TRAK2: variants seen among roughly 807,000 people sequenced by gnomAD.
The protein encoded by TRAK2 is trafficking kinesin protein 2.
TRAK2 carries 81 observed loss-of-function variants against 104.6 expected under a neutral mutation model. The ratio of observed to expected loss-of-function variants is 0.77; its 90% CI spans 0.65 to 0.93. The LOEUF (loss-of-function observed/expected upper bound fraction) is 0.93. Among genes scored for constraint, TRAK2 ranks in the 40% least tolerant of loss-of-function variants. TRAK2 has a pLI of 0.00. For synonymous variants in TRAK2, 406 were observed against 394.4 expected (o/e 1.03, Z -0.35); for missense variants, 1,002 against 1,089.0 (o/e 0.92, Z 1.12).
In TRAK2 at chr2:201,439,981, G is replaced by A. The variant is rs992483122; in HGVS notation, c.-200+11369C>T. Among the ~76,000 whole-genome samples the A allele has an allele frequency of 6.8e-5, 10 of 148,082 alleles. No homozygotes were observed. The East Asian group carries it at 2.0e-3, about 30-fold the overall frequency. On this transcript the variant is annotated intron_variant, in intron 1 of 15. Coordinates refer to ENST00000332624, the MANE Select transcript of TRAK2 (RefSeq NM_015049.3). The stretch of plus-strand genomic sequence containing the variant: ...GATAGCATTAGGAGATATACCTAAT[G>A]CTAAATGATGAGTTAATGGGTGCAG...
rs1363113834 is a variant in TRAK2, at chr2:201,406,999, TGACTGTGTTTACC to T, written c.286+391_286+403del. ...CTTCGTTATGCTGACATAATTCTTG[TGACTGTGTTTACC>T]AACGATATTAATAAAGATAAAAGTC... On this transcript the variant is annotated intron_variant, in intron 3 of 15. Transcript: ENST00000332624. Among the ~76,000 whole-genome samples, 6 of 152,346 alleles carry T rather than the reference TGACTGTGTTTACC, an allele frequency of 3.9e-5. No homozygotes were observed. In the East Asian group the frequency reaches 1.2e-3, roughly 29 times the overall value.
intron 15 of TRAK2, 132 bp from the exon 16 acceptor site, chr2:201,381,350 T>C: frequency 2.5e-6 from 2 of 789,122 alleles, no homozygotes; most frequent in Non-Finnish European, 3.9e-6. Context: ...CATCCGTAAC[T>C]GTATGCTGTG....
intron 15 of TRAK2, 134 bp from the exon 16 acceptor site, chr2:201,381,352 T>C: frequency 1.3e-6 from 1 of 783,620 alleles, no homozygotes; most frequent in Non-Finnish European, 2.0e-6. Context: ...TCCGTAACTG[T>C]ATGCTGTGGA....
At chr2:201,411,693 A>G in intron 2 of TRAK2, 1 of 781,254 alleles carries the variant, frequency 1.3e-6, no homozygotes, top group South Asian at 1.3e-5. Flanking sequence ...TAAAATACCC[A>G]TGAGGACTGC....
At chr2:201,411,644 G>C in intron 2 of TRAK2, 2 of 801,598 alleles carry the variant, frequency 2.5e-6, no homozygotes, top group Non-Finnish European at 4.5e-6. Context: ...GCTCTTTGGT[G>C]ATTCCCAACT....
At chr2:201,436,249 A>G (rs1324410725) in intron 1 of TRAK2, among the ~76,000 whole-genome samples, 2 of 152,086 alleles carry the variant, frequency 1.3e-5, no homozygotes, top group African/African-American at 4.8e-5. Context: ...AAAATGGGGG[A>G]ATACATCTCA....
At position 201,411,939 on chromosome 2, in the gene TRAK2, T is replaced by G. The variant is rs150099298; in HGVS notation, c.92-4342A>C. On this transcript the variant is annotated intron_variant, in intron 2 of 15. Coordinates refer to ENST00000332624, the MANE Select transcript of TRAK2 (RefSeq NM_015049.3). Reference sequence around the variant, plus strand: ...TTTAGACAGAGCTCCTGGTATTGAATGGAAGGAGCTTCTAGTGCTCTGTAA... The same window carrying G: ...TTTAGACAGAGCTCCTGGTATTGAAGGGAAGGAGCTTCTAGTGCTCTGTAA... 15 of 994,758 alleles carry G rather than the reference T, an allele frequency of 1.5e-5. 1 individual carries two copies. The African/African-American group carries it at 2.4e-4, about 16-fold the overall frequency. 61.6% of individuals were successfully genotyped at this position (994,758 alleles called of 1,614,324 possible).
At position 201,410,988 on chromosome 2, in the gene TRAK2, G is replaced by A. The variant is rs534409908; in HGVS notation, c.92-3391C>T. 4.0e-6 allele frequency: 6 copies of A among 1,493,394 alleles called. No individual in the cohort carries two copies. The East Asian group carries it at 9.1e-5, about 23-fold the overall frequency. The allele number at this position is 1,493,394 out of a possible 1,614,324, so 92.5% of individuals were successfully genotyped here. ...TGTAGTAACGGGCATGTTGAATCCT[G>A]AAGTCTGAAAGCCCATATTGACATT... On this transcript the variant is annotated intron_variant, in intron 2 of 15. Coordinates refer to ENST00000332624, the MANE Select transcript of TRAK2 (RefSeq NM_015049.3).
At chr2:201,441,824 T>C (rs2125662975) in intron 1 of TRAK2, among the ~76,000 whole-genome samples, 1 of 151,782 alleles carries the variant, frequency 6.6e-6, no homozygotes, top group South Asian at 2.1e-4. Context: ...TCAGAGTAGC[T>C]GGGATTACAG....
intron 2 of TRAK2, chr2:201,413,177 C>A: frequency 6.6e-7 from 1 of 1,511,578 alleles, no homozygotes; most frequent in African/African-American, 1.4e-5. Context: ...TCCAAGCTAG[C>A]CCACTGCCAC....
At position 201,401,245 on chromosome 2, in the gene TRAK2, T is replaced by C. The variant is rs756297285; in HGVS notation, c.287-151A>G. 2.2e-5 allele frequency: 11 copies of C among 500,404 alleles called. No individual in the cohort carries two copies. In the South Asian group the frequency reaches 3.9e-4, roughly 18 times the overall value. 31.0% of individuals were successfully genotyped at this position (500,404 alleles called of 1,614,324 possible). A position where few individuals can be genotyped will look rare whatever the true frequency, so the allele number is the denominator to read the frequency against. ...AAAAATATATGTGAAAAAAAAGAAA[T>C]GTTTCATGTATTAGACACTCAAGAA... On this transcript the variant is annotated intron_variant, in intron 3 of 15. Coordinates refer to ENST00000332624, the MANE Select transcript of TRAK2 (RefSeq NM_015049.3).
rs1246216654 is a variant in TRAK2 at position 201,389,341 on chromosome 2, T to C, written c.1356A>G (p.Lys452=). The C allele has an allele frequency of 1.9e-6, 3 of 1,614,010 alleles. No individual in the cohort carries two copies. Among genetic ancestry groups the C allele is most frequent in the African/African-American group, 1.3e-5 (1 of 74,918 alleles). The change falls in exon 12 of 16, where the codon AAA becomes AAG. Residue 452 remains lysine, a synonymous_variant. Coordinates refer to ENST00000332624, the MANE Select transcript of TRAK2 (RefSeq NM_015049.3). The part of the protein sequence containing the change: ...FESGLQQTED[K]SLLNQGSSSE... ...AGCTGCTCCCCTGGTTCAGGAGTGA[T>C]TTGTCCTCTGTTTGCTGAAGACCAG...
intron 1 of TRAK2, among the ~76,000 whole-genome samples, chr2:201,427,761 T>C (rs1488834602): frequency 1.3e-5 from 2 of 152,210 alleles, no homozygotes; most frequent in African/African-American, 2.4e-5. Context: ...TCTTCCACAA[T>C]GGTTGAACTA....
At chr2:201,400,479 G>A (rs1243971609) in intron 4 of TRAK2, among the ~76,000 whole-genome samples, 1 of 151,962 alleles carries the variant, frequency 6.6e-6, no homozygotes, top group Non-Finnish European at 1.5e-5. Flanking sequence ...GGGGAGAGGG[G>A]AGAAGGATAT....
chr2:201,388,237 G>A (rs1228655249), intron 12 of TRAK2, among the ~76,000 whole-genome samples: 1 of 152,116 alleles, frequency 6.6e-6, no homozygotes, highest in East Asian at 1.9e-4. Context: ...TTGATATTCT[G>A]TGTTTTCTGA....
At chr2:201,449,500 T>G (rs966746237) in intron 1 of TRAK2, among the ~76,000 whole-genome samples, 1 of 117,120 alleles carries the variant, frequency 8.5e-6, no homozygotes, top group African/African-American at 2.8e-5. Context: ...TTTTTTTTTT[T>G]TGAGACTGAG....
chr2:201,394,908 C>T (rs796697780), intron 8 of TRAK2, 36 bp from the exon 9 acceptor site: 7 of 1,545,326 alleles, frequency 4.5e-6, no homozygotes, highest in Middle Eastern at 1.7e-4. Context: ...TGAAGCCTTT[C>T]CAAGTAAAAT....
At chr2:201,398,012 T>G (rs2125645805) in intron 6 of TRAK2, 133 bp downstream of exon 6, 1 of 829,162 alleles carries the variant, frequency 1.2e-6, no homozygotes, top group African/African-American at 1.7e-5. Flanking sequence ...AAAATACAGC[T>G]CCTTGTCCAC....
At chr2:201,424,870 G>A (rs888288014) in intron 1 of TRAK2, among the ~76,000 whole-genome samples, 1 of 152,018 alleles carries the variant, frequency 6.6e-6, no homozygotes, top group Non-Finnish European at 1.5e-5. Context: ...GCCTCCCAAA[G>A]TGCTGGGATT....
Sources: allele counts gnomAD v4.1 joint callset (sites outside exome capture counted in the v4.1 genomes callset), GRCh38; gene constraint gnomAD v4.1.1; transcripts MANE v1.5; gene names NCBI Gene and HGNC (gene_info 2026-07-23, HGNC 2026-07-21).